LIPG: variants seen among roughly 807,000 people sequenced by gnomAD.
The protein encoded by LIPG is endothelial lipase.
A neutral mutation model predicts 51.8 loss-of-function variants in LIPG; 34 were observed. The ratio of observed to expected loss-of-function variants is 0.66; its 90% confidence interval spans 0.50 to 0.87. The LOEUF (loss-of-function observed/expected upper bound fraction) is 0.87. Among genes scored for constraint, LIPG ranks in the 40% least tolerant of loss-of-function variants. The pLI, the probability that LIPG is intolerant of heterozygous loss-of-function variation, is 0.00. For missense variants in LIPG, 580 were observed against 652.7 expected (o/e 0.89, Z 1.21); for synonymous variants, 246 against 246.1 (o/e 1.00, Z 0.00).
intron 4 of LIPG, among the ~76,000 whole-genome samples, chr18:49,573,133 T>A (rs1462779136): frequency 2.0e-5 from 3 of 152,220 alleles, no homozygotes; most frequent in Non-Finnish European, 4.4e-5. Context: ...CTGGTTTCCA[T>A]GGCACTGACC....
chr18:49,567,362 G>A, intron 2 of LIPG, 80 bp from the exon 3 acceptor site: 1 of 1,408,412 alleles, frequency 7.1e-7, no homozygotes, highest in South Asian at 1.3e-5. Context: ...ATTGGGAAGA[G>A]GGTCATATAG....
chr18:49,574,666 A>G (rs1466550980), intron 4 of LIPG, among the ~76,000 whole-genome samples: 1 of 152,130 alleles, frequency 6.6e-6, no homozygotes, highest in African/African-American at 2.4e-5. Flanking sequence ...TCCCAATTTC[A>G]AATATGAGAA....
In LIPG at chr18:49,586,744, A is replaced by C; in HGVS notation, c.1377-2A>C. 6.2e-7 allele frequency: 1 copy of C among 1,610,876 alleles called. No individual in the cohort carries two copies. Among genetic ancestry groups the C allele is most frequent in the Non-Finnish European group, 8.5e-7 (1 of 1,177,078 alleles). On this transcript the variant is annotated splice_acceptor_variant, in intron 8 of 9. Coordinates refer to ENST00000261292, the MANE Select transcript of LIPG (RefSeq NM_006033.4). LOFTEE classifies it high-confidence loss of function. ...ACATCAGTGGTTTCTTTTCCCTCCT[A>C]GACTGACATTTTGTACAGAAGACCC...
At chr18:49,577,917 G>A (rs1415975510) in intron 5 of LIPG, among the ~76,000 whole-genome samples, 4 of 109,740 alleles carry the variant, frequency 3.6e-5, no homozygotes, top group African/African-American at 1.3e-4. Flanking sequence ...CAGTAGGGGT[G>A]GGCGGGCAGA....
At chr18:49,579,701 A>G (rs771279333) in intron 5 of LIPG, among the ~76,000 whole-genome samples, 17 of 151,758 alleles carry the variant, frequency 1.1e-4, no homozygotes, top group Non-Finnish European at 2.4e-4. Context: ...GGTCCATGCA[A>G]GGGGATTTTA....
rs1270694578 is a variant in LIPG at position 49,598,042 on chromosome 18, T to TTAGA, written c.*7523_*7526dup. On this transcript the variant is annotated 3_prime_UTR_variant, in exon 10 of 10. Coordinates refer to ENST00000261292, the MANE Select transcript of LIPG (RefSeq NM_006033.4). ...CTTACTATTCATCCTGTATCCTCTA[T>TTAGA]TAGATACACAGAGCTTCTTCCTTCT... The TTAGA allele has an allele frequency of 2.6e-5, 4 of 152,206 alleles. No individual in the cohort carries two copies. Among genetic ancestry groups the TTAGA allele is most frequent in the Non-Finnish European group, 5.9e-5 (4 of 68,026 alleles). 9.4% of individuals were successfully genotyped at this position (152,206 alleles called of 1,614,324 possible). A position where few individuals can be genotyped will look rare whatever the true frequency, so the allele number is the denominator to read the frequency against.
At chr18:49,577,651 C>G (rs1484115418) in intron 5 of LIPG, among the ~76,000 whole-genome samples, 1 of 137,464 alleles carries the variant, frequency 7.3e-6, no homozygotes, top group Non-Finnish European at 1.6e-5. Flanking sequence ...AGGGGGCTGA[C>G]CCCCCCACCT....
intron 1 of LIPG, 87 bp from the exon 2 acceptor site, chr18:49,565,230 T>C: frequency 1.5e-6 from 2 of 1,374,868 alleles, no homozygotes; most frequent in Non-Finnish European, 2.0e-6. Context: ...CTTAAGCAAA[T>C]TGCTCACGAT....
At chr18:49,578,122 ACCC>A (rs375560496) in intron 5 of LIPG, among the ~76,000 whole-genome samples, 1 of 94,004 alleles carries the variant, frequency 1.1e-5, no homozygotes, top group Non-Finnish European at 2.1e-5. Flanking sequence ...CGGGGGGCTG[ACCC>A]CCCCCCACCT....
chr18:49,577,576 A>G (rs2084733486), intron 5 of LIPG, among the ~76,000 whole-genome samples: 1 of 146,682 alleles, frequency 6.8e-6, no homozygotes, highest in South Asian at 2.2e-4. Flanking sequence ...GGGGCTCCTC[A>G]CTTCCCAGTA....
chr18:49,587,021 C>T (rs1327813016), intron 9 of LIPG, among the ~76,000 whole-genome samples, 171 bp downstream of exon 9: 1 of 151,692 alleles, frequency 6.6e-6, no homozygotes, highest in Non-Finnish European at 1.5e-5. Context: ...GTAATCCCAG[C>T]ACTTTGGGAG....
intron 8 of LIPG, among the ~76,000 whole-genome samples, chr18:49,584,090 G>A (rs17656290): frequency 0.015 from 2,283 of 152,240 alleles, 34 homozygotes; most frequent in Non-Finnish European, 0.024. Context: ...GGGCTTTTTA[G>A]GAGTGCTGCC....
chr18:49,574,999 C>T (rs1337362948), intron 4 of LIPG, among the ~76,000 whole-genome samples: 4 of 152,152 alleles, frequency 2.6e-5, no homozygotes, highest in Non-Finnish European at 5.9e-5. Flanking sequence ...GGACAAATGG[C>T]TTAGTTTCAG....
chr18:49,596,712 C>T lies in LIPG; in HGVS notation c.*6190C>T, dbSNP rs543566025. 6.6e-6 allele frequency: 1 copy of T among 151,270 alleles called. No homozygotes were observed. The allele number at this position is 151,270 out of a possible 1,614,324, so 9.4% of individuals were successfully genotyped here. ...GACAATTACCCTTTTGTCAGCCGTT[C>T]CTCTGTTGCTGACCATTAGATCCAC... On this transcript the variant is annotated 3_prime_UTR_variant, in exon 10 of 10. Transcript: ENST00000261292.
Position 49,583,582 on chromosome 18 carries a change from C to T in LIPG, c.1184C>T (p.Thr395Ile). The T allele has an allele frequency of 6.2e-7, 1 of 1,614,132 alleles. No individual in the cohort carries two copies. Among genetic ancestry groups the T allele is most frequent in the Non-Finnish European group, 8.5e-7 (1 of 1,180,018 alleles). ...EIVERIEQNATNTFLVYTEED... is the reference protein window; with the variant it reads ...EIVERIEQNAINTFLVYTEED... ...GTGGAGCGGATCGAGCAGAATGCCA[C>T]CAACACCTTCCTGGTCTACACCGAG... Residue 395 changes from threonine (T) to isoleucine (I), a missense_variant, in exon 8 of 10, where the codon ACC becomes ATC. Coordinates refer to ENST00000261292, the MANE Select transcript of LIPG (RefSeq NM_006033.4).
chr18:49,587,978 CG>C (rs1221711431), intron 9 of LIPG, among the ~76,000 whole-genome samples: 1 of 151,986 alleles, frequency 6.6e-6, no homozygotes, highest in Non-Finnish European at 1.5e-5. Flanking sequence ...TTTGCAGAGA[CG>C]GGGTTTCACC....
intron 4 of LIPG, among the ~76,000 whole-genome samples, chr18:49,572,259 G>A (rs1338825948): frequency 2.6e-5 from 4 of 152,216 alleles, no homozygotes; most frequent in East Asian, 1.9e-4. Context: ...TGCGGAGGTT[G>A]CAGTGGGCTG....
chr18:49,570,555 G>A (rs1391973380), intron 4 of LIPG, among the ~76,000 whole-genome samples: 1 of 152,198 alleles, frequency 6.6e-6, no homozygotes, highest in Non-Finnish European at 1.5e-5. Flanking sequence ...CTCAGGCTGG[G>A]TGTGGTGGCT....
rs577395778 is a variant in LIPG at position 49,592,446 on chromosome 18, A to G, written c.*1924A>G. The G allele has an allele frequency of 7.2e-5, 11 of 152,374 alleles. No individual in the cohort carries two copies. Among genetic ancestry groups the G allele is most frequent in the African/African-American group, 2.6e-4 (11 of 41,580 alleles). 9.4% of individuals were successfully genotyped at this position (152,374 alleles called of 1,614,324 possible). A position where few individuals can be genotyped will look rare whatever the true frequency, so the allele number is the denominator to read the frequency against. ...TAAACACAAAATTCATTGATGTGTC[A>G]GTTACACCTTATCCACATAGCCTGA... On this transcript the variant is annotated 3_prime_UTR_variant, in exon 10 of 10. Transcript: ENST00000261292.
Sources: allele counts gnomAD v4.1 joint callset (sites outside exome capture counted in the v4.1 genomes callset), GRCh38; gene constraint gnomAD v4.1.1; transcripts MANE v1.5; gene names NCBI Gene and HGNC (gene_info 2026-07-23, HGNC 2026-07-21).